The following SYNE3 variants were observed in gnomAD, a reference collection of about 807,000 sequenced individuals.
The protein encoded by SYNE3 is nesprin-3.
SYNE3 carries 100 observed loss-of-function variants against 111.2 expected under a neutral mutation model. That is an observed-to-expected ratio of 0.90 (90% CI 0.77 to 1.06). The LOEUF is 1.06. Among genes scored for constraint, SYNE3 ranks in the 50% least tolerant of loss-of-function variants. SYNE3 has a pLI of 0.00. For missense variants in SYNE3, 1,160 were observed against 1,240.3 expected (o/e 0.94, Z 0.97); for synonymous variants, 547 against 533.9 (o/e 1.02, Z -0.34).
chr14:95,439,863 G>C, intron 12 of SYNE3, 51 bp downstream of exon 12: 1 of 1,593,714 alleles, frequency 6.3e-7, no homozygotes. Flanking sequence ...GGGAACGTTG[G>C]CCTGTCAAGG....
intron 17 of SYNE3, among the ~76,000 whole-genome samples, chr14:95,422,186 T>C (rs1212130): frequency 0.74 from 112,133 of 151,838 alleles, 41,927 homozygotes; most frequent in Non-Finnish European, 0.82. Context: ...CACTGAGACA[T>C]GGGCCACCTG....
rs750160930 is a variant in SYNE3 at position 95,432,144 on chromosome 14, AG to A, written c.2689-28del. Reference sequence around the variant, plus strand: ...TGTTATTTTAGGGAAGGAGAGGAAAAGGGGGGAAAAAAATAAGTTAAGTGAG... The same window carrying A: ...TGTTATTTTAGGGAAGGAGAGGAAAAGGGGGAAAAAAATAAGTTAAGTGAG... On this transcript the variant is annotated intron_variant, in intron 16 of 17. Transcript: ENST00000682763. The A allele has an allele frequency of 3.3e-4, 525 of 1,600,856 alleles. 2 individuals carry two copies. Among genetic ancestry groups the A allele is most frequent in the South Asian group, 1.6e-3 (144 of 89,544 alleles).
chr14:95,409,123 C>A lies in SYNE3; in HGVS notation c.*8703G>T, dbSNP rs1275556071. ...CCGCGGCCTGCAAAGGAAAGGAAAG[C>A]AACTGAGGCCCAGGGAACATTCCAT... On this transcript the variant is annotated 3_prime_UTR_variant, in exon 18 of 18. Transcript: ENST00000682763. The A allele has an allele frequency of 2.2e-6, 1 of 455,912 alleles. No individual in the cohort carries two copies. The highest frequency in any genetic ancestry group is 2.0e-5 in the African/African-American group (1 of 50,194). 28.2% of individuals were successfully genotyped at this position (455,912 alleles called of 1,614,324 possible).
At chr14:95,490,023 G>A (rs912904309) in intron 1 of SYNE3, among the ~76,000 whole-genome samples, 1 of 152,216 alleles carries the variant, frequency 6.6e-6, no homozygotes, top group South Asian at 2.1e-4. Context: ...TTCCTCAATG[G>A]TCAGAGTGGA....
At chr14:95,437,203 A>G (rs1482113883) in intron 14 of SYNE3, among the ~76,000 whole-genome samples, 3 of 152,218 alleles carry the variant, frequency 2.0e-5, no homozygotes, top group African/African-American at 7.2e-5. Context: ...CTGAGAGGTG[A>G]CGGAAGCCAC....
intron 1 of SYNE3, among the ~76,000 whole-genome samples, chr14:95,488,411 C>T (rs905482856): frequency 5.3e-5 from 8 of 152,172 alleles, no homozygotes; most frequent in African/African-American, 1.9e-4. Context: ...GATTCATGCA[C>T]CCACGGATGG....
chr14:95,468,132 C>T (rs571763920), intron 2 of SYNE3, among the ~76,000 whole-genome samples, 165 bp from the exon 3 acceptor site: 1 of 152,334 alleles, frequency 6.6e-6, no homozygotes, highest in Admixed American at 6.5e-5. Context: ...GGGCAACCTG[C>T]TACTAGCTCT....
chr14:95,448,721 A>G (rs1886868152), intron 8 of SYNE3, among the ~76,000 whole-genome samples: 1 of 152,172 alleles, frequency 6.6e-6, no homozygotes. Flanking sequence ...AAAACAAATT[A>G]TTGTCCCAAT....
intron 1 of SYNE3, among the ~76,000 whole-genome samples, chr14:95,515,764 C>G (rs1416102667): frequency 6.6e-6 from 1 of 152,166 alleles, no homozygotes; most frequent in Non-Finnish European, 1.5e-5. Flanking sequence ...CAGGAAAGCC[C>G]AGGGTTGGAG....
rs74573252 is a variant in SYNE3, at chr14:95,503,318, A to G, written c.-15+13278T>C. The stretch of plus-strand genomic sequence containing the variant: ...GTCTCTAACTCTTTACAGACATGAG[A>G]GAGTAATAGTAAACCTTCACCAAGG... On this transcript the variant is annotated intron_variant, in intron 1 of 17. Coordinates refer to ENST00000682763, the MANE Select transcript of SYNE3 (RefSeq NM_152592.6). 8.7e-3 allele frequency among the ~76,000 whole-genome samples: 1,318 copies of G among 152,298 alleles called. 13 individuals are homozygous for G. Among genetic ancestry groups the G allele is most frequent in the African/African-American group, 0.029 (1,189 of 41,560 alleles).
At chr14:95,431,335 A>G (rs1034281937) in intron 17 of SYNE3, among the ~76,000 whole-genome samples, 2 of 152,120 alleles carry the variant, frequency 1.3e-5, no homozygotes, top group African/African-American at 4.8e-5. Flanking sequence ...TGAACAAGTC[A>G]CTTCAGGCTT....
chr14:95,501,765 G>A (rs1256877673), intron 1 of SYNE3, among the ~76,000 whole-genome samples: 1 of 152,222 alleles, frequency 6.6e-6, no homozygotes, highest in African/African-American at 2.4e-5. Context: ...AAAGCATGAA[G>A]TAGCATCTGA....
intron 15 of SYNE3, among the ~76,000 whole-genome samples, chr14:95,433,807 G>A (rs1360133775): frequency 1.3e-5 from 2 of 152,224 alleles, no homozygotes; most frequent in Non-Finnish European, 2.9e-5. Flanking sequence ...TCAGGAAATA[G>A]AAGTACTGTG....
At chr14:95,431,822 A>T (rs1391523150) in intron 17 of SYNE3, among the ~76,000 whole-genome samples, 3 of 152,152 alleles carry the variant, frequency 2.0e-5, no homozygotes, top group African/African-American at 4.8e-5. Context: ...GAACTCCAAG[A>T]TCCCCTCTCT....
intron 1 of SYNE3, among the ~76,000 whole-genome samples, chr14:95,499,407 T>C (rs17756410): frequency 0.089 from 13,558 of 152,036 alleles, 665 homozygotes; most frequent in African/African-American, 0.11. Flanking sequence ...CTACTTGCAG[T>C]AGGAACCACC....
At chr14:95,461,218 G>A (rs34405923) in intron 4 of SYNE3, among the ~76,000 whole-genome samples, 2,064 of 152,316 alleles carry the variant, frequency 0.014, 42 homozygotes, top group African/African-American at 0.046. Context: ...AGGGCTGCAC[G>A]AGCAGCTCTG....
intron 1 of SYNE3, among the ~76,000 whole-genome samples, chr14:95,515,746 G>GAA (rs1566694754): frequency 2.0e-5 from 3 of 152,220 alleles, no homozygotes. Context: ...AGGAACCTGG[G>GAA]AGAGTCCCAG....
rs546693978 is a variant in SYNE3 at position 95,448,984 on chromosome 14, A to C, written c.1449+947T>G. On this transcript the variant is annotated intron_variant, in intron 8 of 17. Coordinates refer to ENST00000682763, the MANE Select transcript of SYNE3 (RefSeq NM_152592.6). ...AAGTAGGTGTGCCTTTTATAATCAG[A>C]ATGATTATACATCTCACACACGTTT... Among the ~76,000 whole-genome samples the C allele has an allele frequency of 1.1e-4, 16 of 152,270 alleles. No homozygotes were observed. The East Asian group carries it at 2.3e-3, about 22-fold the overall frequency.
intron 13 of SYNE3, among the ~76,000 whole-genome samples, 157 bp downstream of exon 13, chr14:95,439,455 C>T (rs1886281883): frequency 6.6e-6 from 1 of 152,220 alleles, no homozygotes; most frequent in South Asian, 2.1e-4. Flanking sequence ...CCTGCTCCTG[C>T]TAGAATAGCC....
Sources: gnomAD v4.1 joint callset for allele counts (sites outside exome capture counted in the v4.1 genomes callset) on GRCh38, gnomAD v4.1.1 for gene constraint, MANE v1.5 for transcripts, NCBI Gene and HGNC (gene_info 2026-07-23, HGNC 2026-07-21) for gene names.